DAB2IP: variants seen among roughly 807,000 people sequenced by gnomAD.
The protein encoded by DAB2IP is DAB2 interacting protein.
Under a neutral mutation model 107.2 loss-of-function variants are expected in DAB2IP, and 28 were observed. The observed-to-expected ratio is 0.26, with a 90% confidence interval of 0.19 to 0.36. DAB2IP has a LOEUF of 0.36. Among genes scored for constraint, DAB2IP ranks in the 10% least tolerant of loss-of-function variants. DAB2IP has a pLI of 1.00. For synonymous variants in DAB2IP, 755 were observed against 706.4 expected, an observed-to-expected ratio of 1.07 and a Z score of -1.09; for missense variants, 1,400 against 1,644.7, an observed-to-expected ratio of 0.85 and a Z score of 2.57.
chr9:121,768,924 G>A (rs907360418), intron 10 of DAB2IP, among the ~76,000 whole-genome samples: 1 of 152,224 alleles, frequency 6.6e-6, no homozygotes, highest in Non-Finnish European at 1.5e-5. Context: ...GCCAGAGCAT[G>A]TGAGAAATAG....
At position 121,699,141 on chromosome 9, in the gene DAB2IP, G is replaced by C. The variant is rs1288274954; in HGVS notation, c.229-184G>C. ...TGGGCTGGGCCGCGCTGCGCGGGCC[G>C]GGCCGTCGGCGCTCGGTCGGCGGGC... is the stretch of plus-strand genomic sequence containing the variant. On this transcript the variant is annotated intron_variant, in intron 2 of 15. Transcript: ENST00000408936. This position sits in a 1 kb window ranked among gnomAD's most constrained non-coding sequence, Gnocchi z 6.2. Among the ~76,000 whole-genome samples the C allele has an allele frequency of 2.8e-5, 4 of 145,048 alleles. No homozygotes were observed. Among genetic ancestry groups the C allele is most frequent in the Admixed American group, 2.0e-4 (3 of 14,690 alleles).
At chr9:121,641,712 A>C (rs1287119670) in intron 1 of DAB2IP, among the ~76,000 whole-genome samples, 2 of 152,052 alleles carry the variant, frequency 1.3e-5, no homozygotes, top group African/African-American at 4.8e-5. Context: ...CCTGCCATCC[A>C]TGTGTCACAC....
Position 121,699,529 on chromosome 9 carries a change from A to C in DAB2IP, c.362+71A>C. 2 of 1,157,948 alleles carry C rather than the reference A, an allele frequency of 1.7e-6. No individual in the cohort carries two copies. The highest frequency in any genetic ancestry group is 2.1e-6 in the Non-Finnish European group (2 of 936,270). 71.7% of individuals were successfully genotyped at this position (1,157,948 alleles called of 1,614,324 possible). The stretch of plus-strand genomic sequence containing the variant: ...CTGCGCCCCTGAGGACGCGGGGACA[A>C]AGCGCGAGCCCGGCCCGGGGCGAGC... On this transcript the variant is annotated intron_variant, in intron 3 of 15. Coordinates refer to ENST00000408936, the Ensembl canonical transcript of DAB2IP. The surrounding 1 kb of genome is among the most constrained non-coding windows in gnomAD (Gnocchi z 6.2).
At chr9:121,567,212 C>G in exon 1 of DAB2IP, 1 of 1,614,048 alleles carries the variant, frequency 6.2e-7, no homozygotes, top group South Asian at 1.1e-5. Flanking sequence ...CCCTTCTGGA[C>G]CAAGACGACT....
At chr9:121,611,842 C>T (rs1259868864) in intron 1 of DAB2IP, among the ~76,000 whole-genome samples, 1 of 152,196 alleles carries the variant, frequency 6.6e-6, no homozygotes, top group African/African-American at 2.4e-5. Flanking sequence ...GCCTCGGCCT[C>T]CCAAAGTGCT....
intron 3 of DAB2IP, among the ~76,000 whole-genome samples, chr9:121,704,322 T>G (rs1829946329): frequency 6.6e-6 from 1 of 152,220 alleles, no homozygotes; most frequent in African/African-American, 2.4e-5. Flanking sequence ...CCTCACACCC[T>G]TCAAAACATT....
At chr9:121,714,491 T>C (rs1830491707) in intron 3 of DAB2IP, among the ~76,000 whole-genome samples, 1 of 152,176 alleles carries the variant, frequency 6.6e-6, no homozygotes, top group South Asian at 2.1e-4. Context: ...AGCCTCCCTT[T>C]TAGGGCGGGG....
chr9:121,603,436 A>G (rs1428390802), intron 1 of DAB2IP, among the ~76,000 whole-genome samples: 1 of 152,192 alleles, frequency 6.6e-6, no homozygotes, highest in Non-Finnish European at 1.5e-5. Flanking sequence ...TTAAACACCC[A>G]TTTTATGAAA....
intron 3 of DAB2IP, among the ~76,000 whole-genome samples, chr9:121,706,149 C>T (rs1300499664): frequency 6.6e-6 from 1 of 152,188 alleles, no homozygotes; most frequent in African/African-American, 2.4e-5. Context: ...GTTCTAGTCT[C>T]TTGGCCATCA....
chr9:121,582,065 A>G (rs1028344874), intron 1 of DAB2IP, among the ~76,000 whole-genome samples: 34 of 152,138 alleles, frequency 2.2e-4, no homozygotes, highest in African/African-American at 8.0e-4. Flanking sequence ...AAGTGAGGAC[A>G]GTCATCTGGG....
chr9:121,710,594 G>A (rs528102052), intron 3 of DAB2IP, among the ~76,000 whole-genome samples: 185 of 152,300 alleles, frequency 1.2e-3, no homozygotes, highest in African/African-American at 4.4e-3. Flanking sequence ...TGGGTGAGGT[G>A]GGGCAGGTAC....
chr9:121,672,997 G>A (rs1169076744), intron 1 of DAB2IP, among the ~76,000 whole-genome samples: 1 of 152,172 alleles, frequency 6.6e-6, no homozygotes, highest in Non-Finnish European at 1.5e-5. Context: ...GAATCCCCAG[G>A]GTCCAGAGTT....
chr9:121,671,879 C>T (rs1211796375), intron 1 of DAB2IP, among the ~76,000 whole-genome samples: 2 of 151,934 alleles, frequency 1.3e-5, no homozygotes, highest in African/African-American at 4.8e-5. Context: ...AAGAGTGCTG[C>T]GGTCAGTATC....
intron 3 of DAB2IP, among the ~76,000 whole-genome samples, chr9:121,709,044 T>C (rs982367368): frequency 9.9e-5 from 15 of 152,202 alleles, no homozygotes; most frequent in Non-Finnish European, 2.2e-4. Context: ...ACACCGCCAG[T>C]TGCCATGGAG....
At position 121,772,052 on chromosome 9, in the gene DAB2IP, T is replaced by C. The variant is rs1834794607; in HGVS notation, c.2079-555T>C. ...GTCATGCTCTCCACAGAGCCTGCTCTCATTCCTTGTTTTTGCCAGGAACTC... is the reference window on the plus strand; with the variant it reads ...GTCATGCTCTCCACAGAGCCTGCTCCCATTCCTTGTTTTTGCCAGGAACTC... On this transcript the variant is annotated intron_variant, in intron 11 of 15. Transcript: ENST00000408936. This position sits in a 1 kb window ranked among gnomAD's most constrained non-coding sequence, Gnocchi z 4.7. Among the ~76,000 whole-genome samples the C allele has an allele frequency of 2.0e-5, 3 of 152,302 alleles. No homozygotes were observed. The South Asian group carries it at 6.2e-4, about 32-fold the overall frequency.
At chr9:121,693,815 C>T (rs908564820) in intron 2 of DAB2IP, among the ~76,000 whole-genome samples, 1 of 152,206 alleles carries the variant, frequency 6.6e-6, no homozygotes, top group Non-Finnish European at 1.5e-5. Flanking sequence ...GGAAGGAACC[C>T]GCCCTTGATT....
intron 9 of DAB2IP, among the ~76,000 whole-genome samples, chr9:121,767,413 C>G (rs1834364152): frequency 1.3e-5 from 2 of 152,318 alleles, no homozygotes; most frequent in South Asian, 4.1e-4. Flanking sequence ...ACACACGAGC[C>G]TCTTAGGAGG....
chr9:121,666,594 C>G (rs867877749), intron 1 of DAB2IP, among the ~76,000 whole-genome samples: 2 of 151,832 alleles, frequency 1.3e-5, no homozygotes, highest in East Asian at 3.9e-4. Flanking sequence ...CGGGGCCTGT[C>G]GGCGGGTTGG....
Position 121,625,984 on chromosome 9 carries a change from T to C in DAB2IP, c.41-52694T>C, listed in dbSNP as rs1365945312. Among the ~76,000 whole-genome samples, 5 of 152,152 alleles carry C rather than the reference T, an allele frequency of 3.3e-5. No individual in the cohort carries two copies. In the East Asian group the frequency reaches 9.6e-4, roughly 29 times the overall value. On this transcript the variant is annotated intron_variant, in intron 1 of 16. Transcript: ENST00000259371. ...CCTTTCCTTTCCCTCCTGGCTCACA[T>C]TGGCATTTGCGTTTGTGATTCCTGA...
Sources: allele counts gnomAD v4.1 joint callset (sites outside exome capture counted in the v4.1 genomes callset), GRCh38; gene constraint gnomAD v4.1.1; non-coding constraint Gnocchi (gnomAD v3.1); transcripts MANE v1.5; gene names NCBI Gene and HGNC (gene_info 2026-07-23, HGNC 2026-07-21).